QTRT2: variants seen among roughly 807,000 people sequenced by gnomAD.
QTRT2 encodes the protein queuine tRNA-ribosyltransferase domain containing 1.
A neutral mutation model predicts 44.8 loss-of-function variants in QTRT2; 32 were observed. That is an observed-to-expected ratio of 0.71 (90% CI 0.54 to 0.96). The LOEUF (loss-of-function observed/expected upper bound fraction) is 0.96, where lower values mean the gene tolerates loss of function less well. Ranked by LOEUF, QTRT2 falls within the 40% of genes least tolerant of loss-of-function variation. The pLI is 0.00. For missense variants in QTRT2, 461 were observed against 503.1 expected, an observed-to-expected ratio of 0.92 and a Z score of 0.80; for synonymous variants, 182 against 187.4, an observed-to-expected ratio of 0.97 and a Z score of 0.24.
chr3:114,062,998 C>A (rs1308800489), intron 2 of QTRT2, among the ~76,000 whole-genome samples: 2 of 152,202 alleles, frequency 1.3e-5, no homozygotes, highest in Admixed American at 6.5e-5. Flanking sequence ...CTAGCCCTTT[C>A]TGAAATAGCT....
chr3:114,086,056 C>T lies in QTRT2; in HGVS notation c.*152C>T. On this transcript the variant is annotated 3_prime_UTR_variant, in exon 10 of 10. Transcript: ENST00000281273. ...AAGAATCTTTGTACCAAACTGCCCA[C>T]ATGAGGGTGAAGAGATTTCCTCAAA... is the stretch of plus-strand genomic sequence containing the variant. The T allele has an allele frequency of 3.1e-6, 2 of 645,888 alleles. No individual in the cohort carries two copies. Among genetic ancestry groups the T allele is most frequent in the Non-Finnish European group, 5.3e-6 (2 of 376,080 alleles). 40.0% of individuals were successfully genotyped at this position (645,888 alleles called of 1,614,324 possible). A position where few individuals can be genotyped will look rare whatever the true frequency, so the allele number is the denominator to read the frequency against.
intron 9 of QTRT2, among the ~76,000 whole-genome samples, chr3:114,083,287 C>A (rs1262975045): frequency 6.9e-6 from 1 of 144,582 alleles, no homozygotes; most frequent in Non-Finnish European, 1.5e-5. Context: ...GTTGTTGTTG[C>A]TGTTGTTGTT....
At chr3:114,080,088 T>G (rs1239058246) in intron 8 of QTRT2, 31 bp downstream of exon 8, 2 of 1,536,470 alleles carry the variant, frequency 1.3e-6, no homozygotes, top group African/African-American at 2.8e-5. Context: ...CTCTTATCCT[T>G]AAGTTTCTTC....
intron 2 of QTRT2, among the ~76,000 whole-genome samples, chr3:114,062,052 G>A (rs1241158093): frequency 6.7e-6 from 1 of 150,350 alleles, no homozygotes; most frequent in African/African-American, 2.4e-5. Flanking sequence ...CTCCTAGCAT[G>A]TTAAATTTAC....
At chr3:114,073,174 G>A (rs2077046134) in intron 6 of QTRT2, among the ~76,000 whole-genome samples, 1 of 152,194 alleles carries the variant, frequency 6.6e-6, no homozygotes, top group Admixed American at 6.5e-5. Context: ...GGCAGTTAGT[G>A]TTGGTGGCTT....
At chr3:114,072,807 T>TA (rs1172199777) in intron 6 of QTRT2, among the ~76,000 whole-genome samples, 5 of 152,176 alleles carry the variant, frequency 3.3e-5, no homozygotes, top group Non-Finnish European at 7.3e-5. Context: ...GGTGAATGGT[T>TA]ATGATGGGGT....
chr3:114,071,231 T>C (rs2077020881), intron 6 of QTRT2, among the ~76,000 whole-genome samples: 1 of 152,172 alleles, frequency 6.6e-6, no homozygotes, highest in Non-Finnish European at 1.5e-5. Flanking sequence ...CACAAACCTG[T>C]TCTTGCTTTT....
chr3:114,065,445 C>G lies in QTRT2; in HGVS notation c.188C>G (p.Thr63Arg). The change falls in exon 3 of 10, where the codon ACG becomes AGG. Residue 63 changes from threonine (T) to arginine (R), a missense_variant. By Grantham distance (71) the Thr-to-Arg change is moderately conservative. Coordinates refer to ENST00000281273, the MANE Select transcript of QTRT2 (RefSeq NM_024638.4). ...GGGGTTCCTGCCATGGCTCAGCTTA[C>G]GCTGTCATCCCTGTAAGTGTTAGAA... ...IHGVPAMAQLTLSSLAEHHEV... is the reference protein window; with the variant it reads ...IHGVPAMAQLRLSSLAEHHEV... 1 of 1,612,816 alleles carries G rather than the reference C, an allele frequency of 6.2e-7. No homozygotes were observed. Among genetic ancestry groups the G allele is most frequent in the Admixed American group, 1.7e-5 (1 of 59,974 alleles).
intron 2 of QTRT2, among the ~76,000 whole-genome samples, chr3:114,057,840 A>G (rs1229627996): frequency 6.6e-6 from 1 of 152,236 alleles, no homozygotes; most frequent in Non-Finnish European, 1.5e-5. Flanking sequence ...GAATGGAGAA[A>G]GATTGCAGAG....
At chr3:114,082,574 T>C (rs1054351892) in intron 8 of QTRT2, 103 bp from the exon 9 acceptor site, 24 of 525,914 alleles carry the variant, frequency 4.6e-5, no homozygotes, top group Non-Finnish European at 8.3e-5. Flanking sequence ...AGGAGTGAAA[T>C]TACAGAGTCA....
In QTRT2 at chr3:114,082,787, GAAAA is replaced by G; in HGVS notation, c.1013_1016del (p.Lys338SerfsTer10). The G allele has an allele frequency of 7.2e-7, 1 of 1,393,232 alleles. No homozygotes were observed. The highest frequency in any genetic ancestry group is 9.9e-7 in the Non-Finnish European group (1 of 1,008,732). The allele number at this position is 1,393,232 out of a possible 1,614,324, so 86.3% of individuals were successfully genotyped here. A position where few individuals can be genotyped will look rare whatever the true frequency, so the allele number is the denominator to read the frequency against. ...AACATCATTTGAAATTAATCTGAAG[GAAAA>G]AAAGTAAGAAATTTTTAAAAGTTTG... On this transcript the variant is annotated frameshift_variant, in exon 9 of 10. Transcript: ENST00000281273. LOFTEE classifies it high-confidence loss of function.
rs750966289 is a variant in QTRT2 at position 114,066,244 on chromosome 3, G to C, written c.217G>C (p.Val73Leu). ...TLSSLAEHHE[V>L]LTEYKEGVGK... ...TGCTTACAGAGCAGAACATCATGAA[G>C]TCTTGACAGAATATAAAGAAGGAGT... Residue 73 changes from valine to leucine, a missense_variant, in exon 4 of 10, where the codon GTC becomes CTC. By Grantham distance (32) the Val-to-Leu change is conservative. Coordinates refer to ENST00000281273, the MANE Select transcript of QTRT2 (RefSeq NM_024638.4). The C allele has an allele frequency of 6.2e-7, 1 of 1,605,668 alleles. No individual in the cohort carries two copies. Among genetic ancestry groups the C allele is most frequent in the Non-Finnish European group, 8.5e-7 (1 of 1,172,724 alleles).
chr3:114,057,197 G>T (rs563228136), intron 2 of QTRT2, 91 bp downstream of exon 2: 4 of 529,076 alleles, frequency 7.6e-6, no homozygotes, highest in Non-Finnish European at 1.1e-5. Context: ...GGAGGTCTGG[G>T]GCCATGGAGA....
intron 6 of QTRT2, among the ~76,000 whole-genome samples, 154 bp downstream of exon 6, chr3:114,070,992 T>C (rs1046322287): frequency 1.3e-5 from 2 of 152,324 alleles, no homozygotes; most frequent in African/African-American, 4.8e-5. Flanking sequence ...GAACCTTAAG[T>C]ATTATTGTTC....
chr3:114,068,097 T>C, intron 5 of QTRT2, 34 bp downstream of exon 5: 1 of 1,580,188 alleles, frequency 6.3e-7, no homozygotes, highest in South Asian at 1.1e-5. Flanking sequence ...AGGCTGCAGC[T>C]TTGTCCCAGG....
At chr3:114,062,368 C>CAA (rs143192501) in intron 2 of QTRT2, among the ~76,000 whole-genome samples, 34 of 85,966 alleles carry the variant, frequency 4.0e-4, no homozygotes, top group Non-Finnish European at 5.2e-4. Flanking sequence ...GACCTTGTCT[C>CAA]AAAAAAAAAA....
At chr3:114,081,386 G>C (rs540818394) in intron 8 of QTRT2, among the ~76,000 whole-genome samples, 1 of 152,296 alleles carries the variant, frequency 6.6e-6, no homozygotes, top group South Asian at 2.1e-4. Flanking sequence ...GTCTCACTCT[G>C]TTGCCCAGGC....
intron 2 of QTRT2, among the ~76,000 whole-genome samples, chr3:114,062,679 A>C (rs1301463340): frequency 5.3e-5 from 8 of 152,230 alleles, no homozygotes; most frequent in Middle Eastern, 3.2e-3. Flanking sequence ...ATGGAAAAGC[A>C]GATTATCTCA....
At chr3:114,073,227 G>A (rs1312921703) in intron 6 of QTRT2, among the ~76,000 whole-genome samples, 9 of 152,144 alleles carry the variant, frequency 5.9e-5, no homozygotes, top group Admixed American at 5.2e-4. Flanking sequence ...TGTAGGACTA[G>A]TAATGTTTGG....
Sources: allele counts gnomAD v4.1 joint callset (sites outside exome capture counted in the v4.1 genomes callset), GRCh38; gene constraint gnomAD v4.1.1; transcripts MANE v1.5; gene names NCBI Gene and HGNC (gene_info 2026-07-23, HGNC 2026-07-21).